Variants in SS18L1 observed in about 807,000 individuals in gnomAD.
The protein encoded by SS18L1 is SS18L1 subunit of BAF chromatin remodeling complex.
In SS18L1, 32 loss-of-function variants were observed where a neutral mutation model predicts 70.3. That is an observed-to-expected ratio of 0.46 (90% CI 0.34 to 0.61). SS18L1 has a LOEUF of 0.61. SS18L1 is among the 20% of genes least tolerant of loss of function. The probability of loss-of-function intolerance (pLI) is 0.01; values close to 1 mark genes in which losing one functional copy is unlikely to be tolerated. For synonymous variants in SS18L1, 237 were observed against 229.7 expected, an observed-to-expected ratio of 1.03 and a Z score of -0.29; for missense variants, 430 against 542.1, an observed-to-expected ratio of 0.79 and a Z score of 2.05.
chr20:62,166,145 T>C (rs1287438889), intron 8 of SS18L1, among the ~76,000 whole-genome samples: 1 of 152,056 alleles, frequency 6.6e-6, no homozygotes, highest in Non-Finnish European at 1.5e-5. Flanking sequence ...TGGGAAGAGG[T>C]ACACACAGCC....
rs201677571 is a variant in SS18L1, at chr20:62,167,038, G to GTTTTTTT, written c.916+1527_916+1528insTTTTTTT. ...GAGGATTGCTTGAGCTCAGGAGTTT[G>GTTTTTTT]TTTGTTTTTTTTTTTTTTTTTTTTT... On this transcript the variant is annotated intron_variant, in intron 8 of 10. Transcript: ENST00000331758. Among the ~76,000 whole-genome samples, 193 of 110,882 alleles carry GTTTTTTT rather than the reference G, an allele frequency of 1.7e-3. 5 individuals are homozygous for GTTTTTTT. The highest frequency in any genetic ancestry group is 4.8e-3 in the African/African-American group (103 of 21,512). 72.7% of individuals were successfully genotyped at this position (110,882 alleles called of 152,430 possible). A position where few individuals can be genotyped will look rare whatever the true frequency, so the allele number is the denominator to read the frequency against.
chr20:62,182,262 C>A lies in SS18L1; in HGVS notation c.*3054C>A. 1 of 218,372 alleles carries A rather than the reference C, an allele frequency of 4.6e-6. No homozygotes were observed. Among genetic ancestry groups the A allele is most frequent in the Non-Finnish European group, 9.2e-6 (1 of 108,822 alleles). The allele number at this position is 218,372 out of a possible 1,614,324, so 13.5% of individuals were successfully genotyped here. On this transcript the variant is annotated 3_prime_UTR_variant, in exon 11 of 11. Coordinates refer to ENST00000331758, the MANE Select transcript of SS18L1 (RefSeq NM_198935.3). ...CGTGTAGGCGTGAATAGGGGGCACC[C>A]CTTCAAAACTGTACAAAGAAGACGA... is the stretch of plus-strand genomic sequence containing the variant.
chr20:62,161,140 G>T lies in SS18L1; in HGVS notation c.232-296G>T, dbSNP rs1205166795. ...CGTTCAGCCTGGTGGGCCGGGAAAG[G>T]GGTTCCCTGCTGTCCCAGGAGGAGG... On this transcript the variant is annotated intron_variant, in intron 3 of 10. Coordinates refer to ENST00000331758, the MANE Select transcript of SS18L1 (RefSeq NM_198935.3). The surrounding 1 kb of genome is among the most constrained non-coding windows in gnomAD (Gnocchi z 4.4). Among the ~76,000 whole-genome samples the T allele has an allele frequency of 1.3e-5, 2 of 151,548 alleles. No individual in the cohort carries two copies. Among genetic ancestry groups the T allele is most frequent in the African/African-American group, 4.8e-5 (2 of 41,246 alleles).
In SS18L1 at chr20:62,163,721, A is replaced by G. The variant is rs1241778567; in HGVS notation, c.721+99A>G. ...TCTCTTCGGGGAGCCTGGGGGAGTG[A>G]GGCGGGGAGCCTGGGGGAGTGAGGC... On this transcript the variant is annotated intron_variant, in intron 6 of 10. Transcript: ENST00000331758. The G allele has an allele frequency of 3.0e-5, 43 of 1,415,388 alleles. No homozygotes were observed. In the East Asian group the frequency reaches 9.8e-4, roughly 32 times the overall value. 87.7% of individuals were successfully genotyped at this position (1,415,388 alleles called of 1,614,324 possible).
At chr20:62,178,661 C>T (rs549546779) in intron 10 of SS18L1, among the ~76,000 whole-genome samples, 1 of 152,368 alleles carries the variant, frequency 6.6e-6, no homozygotes, top group South Asian at 2.1e-4. Flanking sequence ...GATCCTCCCA[C>T]CTCACCCTCC....
In SS18L1 at chr20:62,179,799, C is replaced by G. The variant is rs912733893; in HGVS notation, c.*591C>G. On this transcript the variant is annotated 3_prime_UTR_variant, in exon 11 of 11. Transcript: ENST00000331758. ...GATAAACATCTCCCACGGGAGAGGC[C>G]ACAGATGGCCACTTCCAGAGCTTGC... 4.3e-6 allele frequency: 1 copy of G among 229,938 alleles called. No homozygotes were observed. Among genetic ancestry groups the G allele is most frequent in the Non-Finnish European group, 8.6e-6 (1 of 116,136 alleles). The allele number at this position is 229,938 out of a possible 1,614,324, so 14.2% of individuals were successfully genotyped here. A position where few individuals can be genotyped will look rare whatever the true frequency, so the allele number is the denominator to read the frequency against.
intron 3 of SS18L1, among the ~76,000 whole-genome samples, chr20:62,160,448 G>A (rs953927062): frequency 1.3e-4 from 20 of 151,942 alleles, no homozygotes; most frequent in Admixed American, 5.9e-4. Flanking sequence ...GAGCCTCTCC[G>A]GGTGCTTTGA....
chr20:62,160,724 CAT>C (rs1008317614), intron 3 of SS18L1, among the ~76,000 whole-genome samples: 2 of 152,166 alleles, frequency 1.3e-5, no homozygotes, highest in African/African-American at 4.8e-5. Context: ...CAAGTGATGA[CAT>C]AAATGCCAGG....
At chr20:62,179,032 C>G (rs920925369) in intron 10 of SS18L1, 150 bp from the exon 11 acceptor site, 1 of 763,950 alleles carries the variant, frequency 1.3e-6, no homozygotes, top group Non-Finnish European at 2.2e-6. Context: ...CCAGTGGCTT[C>G]TGGAAAGTCG....
intron 1 of SS18L1, among the ~76,000 whole-genome samples, chr20:62,148,840 A>G (rs116607821): frequency 6.6e-6 from 1 of 152,212 alleles, no homozygotes; most frequent in Non-Finnish European, 1.5e-5. Flanking sequence ...GTGAGGACGC[A>G]TTTGGATAAA....
rs148820120 is a variant in SS18L1 at position 62,181,289 on chromosome 20, G to A, written c.*2081G>A. On this transcript the variant is annotated 3_prime_UTR_variant, in exon 11 of 11. Transcript: ENST00000331758. ...AGTTCTTAATTGCTAATTGACAAAC[G>A]CGTTAGCAATTTCAGTTAGGGAGTC... 125 of 208,674 alleles carry A rather than the reference G, an allele frequency of 6.0e-4. No homozygotes were observed. The highest frequency in any genetic ancestry group is 2.6e-3 in the African/African-American group (114 of 43,992). The allele number at this position is 208,674 out of a possible 1,614,324, so 12.9% of individuals were successfully genotyped here.
chr20:62,162,564 A>G (rs2057348933), intron 4 of SS18L1, 188 bp from the exon 5 acceptor site: 2 of 604,980 alleles, frequency 3.3e-6, no homozygotes, highest in Non-Finnish European at 2.7e-6. Flanking sequence ...TCGGCCTCCC[A>G]AAGTGCTGGG....
chr20:62,155,399 C>T (rs932397841), intron 1 of SS18L1, among the ~76,000 whole-genome samples: 1 of 152,172 alleles, frequency 6.6e-6, no homozygotes, highest in Non-Finnish European at 1.5e-5. Flanking sequence ...GGTGACAGAG[C>T]GAGACCCTGT....
chr20:62,168,587 G>A (rs1406541592), intron 8 of SS18L1, among the ~76,000 whole-genome samples: 1 of 152,086 alleles, frequency 6.6e-6, no homozygotes, highest in Non-Finnish European at 1.5e-5. Context: ...GTGGGGGCCA[G>A]GGCAGAGGAT....
chr20:62,161,791 G>A lies in SS18L1; in HGVS notation c.376+211G>A, dbSNP rs1443672691. 6.6e-6 allele frequency among the ~76,000 whole-genome samples: 1 copy of A among 152,266 alleles called. No individual in the cohort carries two copies. The highest frequency in any genetic ancestry group is 2.4e-5 in the African/African-American group (1 of 41,476). ...GCTGGGCTGAGCCCCTGCTCCAGTT[G>A]TCCACTCTCTCTGACACTGTCACGT... On this transcript the variant is annotated intron_variant, in intron 4 of 10. Coordinates refer to ENST00000331758, the MANE Select transcript of SS18L1 (RefSeq NM_198935.3). This position sits in a 1 kb window ranked among gnomAD's most constrained non-coding sequence, Gnocchi z 4.4.
chr20:62,164,579 T>C (rs1350061445), intron 7 of SS18L1, among the ~76,000 whole-genome samples: 2 of 152,220 alleles, frequency 1.3e-5, no homozygotes, highest in Non-Finnish European at 2.9e-5. Context: ...GGTGGAAATG[T>C]TCAAGAAGGC....
rs770033152 is a variant in SS18L1, at chr20:62,164,259, G to A, written c.823+13G>A. 1.3e-4 allele frequency: 207 copies of A among 1,544,050 alleles called. No individual in the cohort carries two copies. Among genetic ancestry groups the A allele is most frequent in the African/African-American group, 1.6e-4 (12 of 73,042 alleles). On this transcript the variant is annotated intron_variant, in intron 7 of 10. Coordinates refer to ENST00000331758, the MANE Select transcript of SS18L1 (RefSeq NM_198935.3). The stretch of plus-strand genomic sequence containing the variant: ...TACTACCCCGACGGTGAGCACTGGC[G>A]GCGGCCTGACCCCGCCCAGGAACGC...
At chr20:62,152,356 C>CTTAGGTGA in intron 1 of SS18L1, among the ~76,000 whole-genome samples, 1 of 152,206 alleles carries the variant, frequency 6.6e-6, no homozygotes, top group Non-Finnish European at 1.5e-5. Context: ...CTCCTTGCTG[C>CTTAGGTGA]GGCCCCCGAT....
chr20:62,146,225 C>T (rs1166052328), intron 1 of SS18L1, among the ~76,000 whole-genome samples: 6 of 152,200 alleles, frequency 3.9e-5, no homozygotes, highest in East Asian at 1.9e-4. Flanking sequence ...CATGCTCCGT[C>T]GGCAGTCATG....
Sources: gnomAD v4.1 joint callset for allele counts (sites outside exome capture counted in the v4.1 genomes callset) on GRCh38, gnomAD v4.1.1 for gene constraint, Gnocchi (gnomAD v3.1) non-coding constraint, MANE v1.5 for transcripts, NCBI Gene and HGNC (gene_info 2026-07-23, HGNC 2026-07-21) for gene names.